Variants in DLGAP4 observed in about 807,000 individuals in gnomAD.
DLGAP4 encodes disks large-associated protein 4.
In DLGAP4, 18 loss-of-function variants were observed where a neutral mutation model predicts 86.9. That is an observed-to-expected ratio of 0.21 (90% confidence interval 0.14 to 0.31). The LOEUF (loss-of-function observed/expected upper bound fraction) is 0.31, where lower values mean the gene tolerates loss of function less well. Ranked by LOEUF, DLGAP4 falls within the 10% of genes least tolerant of loss-of-function variation. The pLI is 1.00. For missense variants in DLGAP4, 1,085 were observed against 1,362.6 expected, an observed-to-expected ratio of 0.80 and a Z score of 3.21; for synonymous variants, 548 against 574.3, an observed-to-expected ratio of 0.95 and a Z score of 0.65.
chr20:36,514,710 G>A (rs1160472686), intron 10 of DLGAP4, among the ~76,000 whole-genome samples: 1 of 152,010 alleles, frequency 6.6e-6, no homozygotes, highest in African/African-American at 2.4e-5. Flanking sequence ...CACCGCGCCT[G>A]TCCTTGTTTT....
intron 1 of DLGAP4, among the ~76,000 whole-genome samples, chr20:36,340,356 G>GC (rs1555892389): frequency 6.6e-6 from 1 of 152,146 alleles, no homozygotes; most frequent in Non-Finnish European, 1.5e-5. Flanking sequence ...GGCCAAGGCT[G>GC]CCCGGCCCCA....
intron 7 of DLGAP4, among the ~76,000 whole-genome samples, chr20:36,474,615 T>A (rs1336770278): frequency 6.6e-6 from 1 of 152,170 alleles, no homozygotes; most frequent in Non-Finnish European, 1.5e-5. Context: ...TGCCTGCCTG[T>A]GGAGTGCAGA....
intron 10 of DLGAP4, among the ~76,000 whole-genome samples, chr20:36,505,669 G>A (rs1569522113): frequency 6.6e-6 from 1 of 152,192 alleles, no homozygotes; most frequent in East Asian, 1.9e-4. Context: ...CCAGCTATTC[G>A]GGAGGCTGAC....
rs962155844 is a variant in DLGAP4 at position 36,431,030 on chromosome 20, A to G, written c.-72-616A>G. Among the ~76,000 whole-genome samples, 6 of 151,442 alleles carry G rather than the reference A, an allele frequency of 4.0e-5. No homozygotes were observed. Among genetic ancestry groups the G allele is most frequent in the African/African-American group, 1.5e-4 (6 of 41,214 alleles). On this transcript the variant is annotated intron_variant, in intron 2 of 12. Transcript: ENST00000339266. This position sits in a 1 kb window ranked among gnomAD's most constrained non-coding sequence, Gnocchi z 5.1. ...TTTCCCCATAAGGCAAGGAGAGTTC[A>G]GGAGCCCTGGGGACATGCCCACCAG...
intron 7 of DLGAP4, among the ~76,000 whole-genome samples, chr20:36,484,834 C>T (rs542211874): frequency 7.8e-4 from 119 of 152,358 alleles, no homozygotes; most frequent in Non-Finnish European, 1.3e-3. Flanking sequence ...GGGCCACTGC[C>T]GCTGCACGTG....
At chr20:36,329,066 G>T (rs181054418) in intron 1 of DLGAP4, among the ~76,000 whole-genome samples, 1 of 152,082 alleles carries the variant, frequency 6.6e-6, no homozygotes, top group East Asian at 1.9e-4. Flanking sequence ...GAGCCATCGC[G>T]CCCGGCCTAA....
At chr20:36,324,937 G>A (rs1365680425) in intron 1 of DLGAP4, among the ~76,000 whole-genome samples, 1 of 151,824 alleles carries the variant, frequency 6.6e-6, no homozygotes, top group Non-Finnish European at 1.5e-5. Flanking sequence ...CTTATTGTTT[G>A]TTTTCTCTTT....
chr20:36,332,996 G>C (rs1555891726), intron 1 of DLGAP4, among the ~76,000 whole-genome samples: 1 of 152,172 alleles, frequency 6.6e-6, no homozygotes, highest in East Asian at 1.9e-4. Flanking sequence ...CTCAGATGCA[G>C]GATGTAGTCT....
At chr20:36,361,725 C>T (rs1444425439) in intron 1 of DLGAP4, among the ~76,000 whole-genome samples, 1 of 152,070 alleles carries the variant, frequency 6.6e-6, no homozygotes, top group Non-Finnish European at 1.5e-5. Context: ...GTAATGCCAG[C>T]ACTTTGGGAG....
intron 10 of DLGAP4, among the ~76,000 whole-genome samples, chr20:36,520,655 C>A (rs561913808): frequency 6.6e-5 from 10 of 152,154 alleles, no homozygotes; most frequent in Middle Eastern, 3.4e-3. Context: ...CTTTTTTCTT[C>A]ATAGTGTCCT....
chr20:36,411,203 T>C (rs779267483), intron 2 of DLGAP4, among the ~76,000 whole-genome samples: 4 of 152,228 alleles, frequency 2.6e-5, no homozygotes, highest in Non-Finnish European at 5.9e-5. Context: ...TTGGCCAGGC[T>C]GGTCTCAAAC....
chr20:36,488,908 A>C (rs550264777), intron 7 of DLGAP4, among the ~76,000 whole-genome samples: 1 of 152,340 alleles, frequency 6.6e-6, no homozygotes, highest in Non-Finnish European at 1.5e-5. Flanking sequence ...TGATTCATTA[A>C]CATTGAACTC....
chr20:36,379,326 C>A (rs1414505444), intron 2 of DLGAP4, among the ~76,000 whole-genome samples: 1 of 152,140 alleles, frequency 6.6e-6, no homozygotes, highest in Non-Finnish European at 1.5e-5. Context: ...GGTGCGGGAT[C>A]CTGTCAGGGG....
chr20:36,512,167 C>T (rs1246926378), intron 10 of DLGAP4, among the ~76,000 whole-genome samples: 2 of 150,728 alleles, frequency 1.3e-5, no homozygotes, highest in Non-Finnish European at 2.9e-5. Context: ...TCTCCTGCCT[C>T]AGCCTCCCAA....
intron 2 of DLGAP4, among the ~76,000 whole-genome samples, chr20:36,372,735 A>AT (rs1321116747): frequency 6.6e-6 from 1 of 152,184 alleles, no homozygotes; most frequent in East Asian, 1.9e-4. Flanking sequence ...ACAGTGATAA[A>AT]TTAGAAACGA....
At chr20:36,339,069 G>T (rs1166471397) in intron 1 of DLGAP4, among the ~76,000 whole-genome samples, 2 of 152,202 alleles carry the variant, frequency 1.3e-5, no homozygotes, top group Non-Finnish European at 2.9e-5. Flanking sequence ...AGGGTTTTAG[G>T]CAGAAGGTAA....
At chr20:36,486,544 G>A (rs1041631723) in intron 7 of DLGAP4, among the ~76,000 whole-genome samples, 1 of 151,798 alleles carries the variant, frequency 6.6e-6, no homozygotes, top group African/African-American at 2.4e-5. Context: ...TGGAATTAGG[G>A]AGGGGAGGGT....
intron 8 of DLGAP4, chr20:36,497,400 G>A: frequency 8.6e-7 from 1 of 1,157,822 alleles, no homozygotes; most frequent in Non-Finnish European, 1.1e-6. Flanking sequence ...TGCCCTGCCA[G>A]CTGACCCGTG....
At position 36,427,637 on chromosome 20, in the gene DLGAP4, G is replaced by GT. The variant is rs148903293; in HGVS notation, c.-72-4000dup. 5.6e-3 allele frequency among the ~76,000 whole-genome samples: 849 copies of GT among 151,372 alleles called. 6 individuals carry two copies. Among genetic ancestry groups the GT allele is most frequent in the African/African-American group, 0.019 (794 of 41,278 alleles). ...TTTATGTTACATTAATTTCTCCTCAGTTTTTTTTTAAAAAAGGAAAAAAGG... is the reference window on the plus strand; with the variant it reads ...TTTATGTTACATTAATTTCTCCTCAGTTTTTTTTTTAAAAAAGGAAAAAAGG... On this transcript the variant is annotated intron_variant, in intron 2 of 12. Coordinates refer to ENST00000339266, the MANE Select transcript of DLGAP4 (RefSeq NM_001365621.2).
Sources: gnomAD v4.1 joint callset for allele counts (sites outside exome capture counted in the v4.1 genomes callset) on GRCh38, gnomAD v4.1.1 for gene constraint, Gnocchi (gnomAD v3.1) non-coding constraint, MANE v1.5 for transcripts, NCBI Gene and HGNC (gene_info 2026-07-23, HGNC 2026-07-21) for gene names.